Variants in SRBD1 observed in about 807,000 individuals in gnomAD.
SRBD1 encodes the protein S1 RNA binding domain 1.
A neutral mutation model predicts 115.3 loss-of-function variants in SRBD1; 88 were observed. The ratio of observed to expected loss-of-function variants is 0.76; its 90% CI spans 0.64 to 0.91. The LOEUF is 0.91. SRBD1 is among the 40% of genes least tolerant of loss of function. SRBD1 has a pLI of 0.00. For synonymous variants in SRBD1, 509 were observed against 407.7 expected (o/e 1.25, Z -2.99); for missense variants, 1,385 against 1,177.4 (o/e 1.18, Z -2.58).
intron 12 of SRBD1, among the ~76,000 whole-genome samples, chr2:45,550,166 T>C (rs994171790): frequency 6.6e-6 from 1 of 151,848 alleles, no homozygotes; most frequent in Non-Finnish European, 1.5e-5. Context: ...TAGTAACAAA[T>C]TAGACATAGC....
chr2:45,447,007 C>G (rs548665669), intron 16 of SRBD1: 6 of 152,296 alleles, frequency 3.9e-5, no homozygotes, highest in Non-Finnish European at 8.8e-5. Context: ...GGTTTTACGT[C>G]CTTATTCTTT....
chr2:45,394,871 T>C (rs976875596), intron 19 of SRBD1, among the ~76,000 whole-genome samples: 3 of 152,218 alleles, frequency 2.0e-5, no homozygotes, highest in African/African-American at 4.8e-5. Context: ...GTCTCCCTCT[T>C]TGAAAATGAG....
intron 14 of SRBD1, among the ~76,000 whole-genome samples, chr2:45,530,547 A>C (rs1040613446): frequency 1.3e-5 from 2 of 152,188 alleles, no homozygotes; most frequent in Admixed American, 6.6e-5. Context: ...ATCATGCTTC[A>C]CTGTCTCCTG....
chr2:45,504,732 T>C (rs1297679103), intron 14 of SRBD1, among the ~76,000 whole-genome samples: 3 of 152,116 alleles, frequency 2.0e-5, no homozygotes, highest in Non-Finnish European at 4.4e-5. Flanking sequence ...TTAGGACATT[T>C]AGATGGCTCG....
rs558842538 is a variant in SRBD1 at position 45,578,739 on chromosome 2, G to A, written c.1072+1136C>T. On this transcript the variant is annotated intron_variant, in intron 7 of 20. Transcript: ENST00000263736. ...GACGTAGGTCAAAGGGTACAAAGTT[G>A]TAGCTACATAGGCTGAAAAAGACTA... 9.2e-5 allele frequency among the ~76,000 whole-genome samples: 14 copies of A among 152,304 alleles called. 1 individual carries two copies. The East Asian group carries it at 2.7e-3, about 29-fold the overall frequency.
At chr2:45,492,943 A>G (rs1670343867) in intron 14 of SRBD1, among the ~76,000 whole-genome samples, 1 of 152,262 alleles carries the variant, frequency 6.6e-6, no homozygotes, top group Non-Finnish European at 1.5e-5. Context: ...ATAAAAATGC[A>G]GTTATTTAGT....
At chr2:45,606,439 C>A (rs1674277288) in intron 1 of SRBD1, among the ~76,000 whole-genome samples, 1 of 152,166 alleles carries the variant, frequency 6.6e-6, no homozygotes. Context: ...GGATTACAGG[C>A]ATGAGTCACT....
At chr2:45,477,863 A>T (rs1457008908) in intron 15 of SRBD1, among the ~76,000 whole-genome samples, 1 of 152,100 alleles carries the variant, frequency 6.6e-6, no homozygotes, top group Non-Finnish European at 1.5e-5. Flanking sequence ...TTCTAATTAC[A>T]TCCCTTTCTT....
chr2:45,495,931 C>T lies in SRBD1; in HGVS notation c.1875-7600G>A, dbSNP rs746897408. On this transcript the variant is annotated intron_variant, in intron 14 of 20. Coordinates refer to ENST00000263736, the MANE Select transcript of SRBD1 (RefSeq NM_018079.5). Reference sequence around the variant, plus strand: ...GGTATGTCAACCCACCTGCCATCCCCACAAAGCACCCAAAAGTTGCTTCTC... The same window carrying T: ...GGTATGTCAACCCACCTGCCATCCCTACAAAGCACCCAAAAGTTGCTTCTC... Among the ~76,000 whole-genome samples the T allele has an allele frequency of 4.6e-5, 7 of 152,184 alleles. 1 individual carries two copies. The highest frequency in any genetic ancestry group is 1.0e-4 in the Non-Finnish European group (7 of 68,038).
At chr2:45,598,381 G>A (rs185115048) in intron 4 of SRBD1, among the ~76,000 whole-genome samples, 2 of 152,076 alleles carry the variant, frequency 1.3e-5, no homozygotes, top group East Asian at 1.9e-4. Context: ...TTGGGAGGCC[G>A]AGGCGGGCAG....
At chr2:45,440,839 G>C (rs941091530) in intron 16 of SRBD1, among the ~76,000 whole-genome samples, 1 of 152,068 alleles carries the variant, frequency 6.6e-6, no homozygotes, top group African/African-American at 2.4e-5. Flanking sequence ...AGGGAGGGAA[G>C]GCAGGGAGGC....
chr2:45,498,838 A>G (rs1274835019), intron 14 of SRBD1, among the ~76,000 whole-genome samples: 1 of 152,048 alleles, frequency 6.6e-6, no homozygotes, highest in East Asian at 1.9e-4. Context: ...TTCTTTTTTT[A>G]TGGTTGAATA....
chr2:45,535,237 T>C (rs534167621), intron 14 of SRBD1, among the ~76,000 whole-genome samples: 28 of 152,072 alleles, frequency 1.8e-4, no homozygotes, highest in African/African-American at 6.3e-4. Flanking sequence ...CATAACCAAA[T>C]CTCCACTTTG....
chr2:45,413,675 C>T (rs1289832126), intron 18 of SRBD1, among the ~76,000 whole-genome samples: 1 of 152,066 alleles, frequency 6.6e-6, no homozygotes, highest in East Asian at 1.9e-4. Flanking sequence ...CACCTGTAAT[C>T]CCAACACTTT....
At chr2:45,420,835 A>G (rs762219600) in intron 16 of SRBD1, among the ~76,000 whole-genome samples, 1 of 152,212 alleles carries the variant, frequency 6.6e-6, no homozygotes, top group Non-Finnish European at 1.5e-5. Flanking sequence ...TGATGATAGT[A>G]GCACTATCTT....
intron 1 of SRBD1, among the ~76,000 whole-genome samples, chr2:45,610,375 T>C (rs1017738343): frequency 2.6e-5 from 4 of 152,212 alleles, no homozygotes; most frequent in Non-Finnish European, 5.9e-5. Context: ...AGTGCTTGAA[T>C]GTTAGCAGAT....
Position 45,408,478 on chromosome 2 carries a change from G to C in SRBD1, c.2513+4636C>G, listed in dbSNP as rs146782991. ...CTTCACAAATACCCTCCTCCTGAGA[G>C]ACAAGCTTAGTCCCAAAGGAAACAG... is the stretch of plus-strand genomic sequence containing the variant. On this transcript the variant is annotated intron_variant, in intron 19 of 20. Coordinates refer to ENST00000263736, the MANE Select transcript of SRBD1 (RefSeq NM_018079.5). Among the ~76,000 whole-genome samples, 428 of 152,306 alleles carry C rather than the reference G, an allele frequency of 2.8e-3. 5 individuals are homozygous for C. The highest frequency in any genetic ancestry group is 0.01 in the East Asian group (53 of 5,180).
At chr2:45,461,984 G>GT (rs1669331034) in intron 16 of SRBD1, among the ~76,000 whole-genome samples, 1 of 151,898 alleles carries the variant, frequency 6.6e-6, no homozygotes, top group Non-Finnish European at 1.5e-5. Context: ...CATTTACTAA[G>GT]TTTTTATTTT....
At chr2:45,546,338 G>C (rs981298627) in intron 14 of SRBD1, 3 of 985,408 alleles carry the variant, frequency 3.0e-6, no homozygotes, top group Non-Finnish European at 3.6e-6. Flanking sequence ...GTTCTGAAGG[G>C]TAATGATTCA....
Sources: gnomAD v4.1 joint callset for allele counts (sites outside exome capture counted in the v4.1 genomes callset) on GRCh38, gnomAD v4.1.1 for gene constraint, MANE v1.5 for transcripts, NCBI Gene and HGNC (gene_info 2026-07-23, HGNC 2026-07-21) for gene names.